Variants in STX8 observed in about 807,000 individuals in gnomAD.
The protein encoded by STX8 is syntaxin 8, also known as syntaxin-8.
Under a neutral mutation model 37.5 loss-of-function variants are expected in STX8, and 23 were observed. The observed-to-expected ratio is 0.61, with a 90% CI of 0.44 to 0.87. The LOEUF is 0.87. STX8 is among the 40% of genes least tolerant of loss of function. STX8 has a pLI of 0.00. For synonymous variants in STX8, 115 were observed against 99.1 expected (o/e 1.16, Z -0.95); for missense variants, 313 against 284.7 (o/e 1.10, Z -0.71).
intron 4 of STX8, among the ~76,000 whole-genome samples, chr17:9,519,073 G>A (rs1905245097): frequency 6.6e-6 from 1 of 151,938 alleles, no homozygotes; most frequent in African/African-American, 2.4e-5. Context: ...TAGTTAAAAA[G>A]AAACCCCACA....
At chr17:9,385,026 A>G (rs979491573) in intron 6 of STX8, among the ~76,000 whole-genome samples, 17 of 152,086 alleles carry the variant, frequency 1.1e-4, no homozygotes, top group Admixed American at 6.6e-5. Flanking sequence ...GAAAAAAAAA[A>G]AAGAGAGAAA....
intron 6 of STX8, among the ~76,000 whole-genome samples, chr17:9,412,715 C>T (rs1054058182): frequency 1.3e-5 from 2 of 152,154 alleles, no homozygotes; most frequent in East Asian, 3.9e-4. Context: ...GATGTGCCCT[C>T]GACATTATCT....
chr17:9,445,488 G>T (rs906149536), intron 6 of STX8, among the ~76,000 whole-genome samples: 5 of 131,584 alleles, frequency 3.8e-5, no homozygotes, highest in Non-Finnish European at 8.1e-5. Flanking sequence ...AGTGGTGGCC[G>T]GGGAGGGGGG....
intron 4 of STX8, among the ~76,000 whole-genome samples, chr17:9,508,490 G>C (rs1904917554): frequency 6.6e-6 from 1 of 152,100 alleles, no homozygotes; most frequent in Non-Finnish European, 1.5e-5. Flanking sequence ...ATCACATCCA[G>C]CTAATTTTTG....
intron 7 of STX8, among the ~76,000 whole-genome samples, chr17:9,330,612 C>T (rs1194368952): frequency 6.6e-6 from 1 of 152,218 alleles, no homozygotes; most frequent in Non-Finnish European, 1.5e-5. Context: ...CAGGAATGCC[C>T]GTGCACTGGC....
At chr17:9,399,400 C>T (rs942729681) in intron 6 of STX8, among the ~76,000 whole-genome samples, 10 of 152,124 alleles carry the variant, frequency 6.6e-5, no homozygotes, top group African/African-American at 2.4e-4. Flanking sequence ...AAGTGGTTTG[C>T]GCAAAGTGAC....
intron 7 of STX8, among the ~76,000 whole-genome samples, chr17:9,302,989 TAA>T (rs34429298): frequency 2.2e-4 from 29 of 129,376 alleles, no homozygotes; most frequent in African/African-American, 2.8e-4. Context: ...TAATATAGAT[TAA>T]AAAAAAAAAA....
At chr17:9,282,708 ATAAGCCTTCTTCCCTAC>A (rs1314321720) in intron 7 of STX8, among the ~76,000 whole-genome samples, 1 of 152,226 alleles carries the variant, frequency 6.6e-6, no homozygotes, top group Non-Finnish European at 1.5e-5. Flanking sequence ...CCAATGGAAC[ATAAGCCTTCTTCCCTAC>A]GAGACACTCC....
At chr17:9,531,720 T>C (rs1397995764) in intron 4 of STX8, among the ~76,000 whole-genome samples, 1 of 152,194 alleles carries the variant, frequency 6.6e-6, no homozygotes, top group Admixed American at 6.5e-5. Context: ...TACTCTTTAT[T>C]TATCTCTTCA....
At chr17:9,255,482 G>A (rs950871605) in intron 7 of STX8, among the ~76,000 whole-genome samples, 1 of 151,748 alleles carries the variant, frequency 6.6e-6, no homozygotes, top group Non-Finnish European at 1.5e-5. Context: ...AACTGAGATT[G>A]TGCCACTGCA....
At chr17:9,492,847 G>A (rs769064982) in intron 5 of STX8, among the ~76,000 whole-genome samples, 8 of 152,268 alleles carry the variant, frequency 5.3e-5, no homozygotes, top group Admixed American at 2.0e-4. Context: ...TGTAATCCCA[G>A]CACTTTGAGA....
intron 7 of STX8, among the ~76,000 whole-genome samples, chr17:9,354,522 A>C (rs1910813979): frequency 1.3e-5 from 2 of 151,826 alleles, no homozygotes; most frequent in African/African-American, 4.8e-5. Context: ...GGGTTTCACC[A>C]TGTTGGTCAG....
In STX8 at chr17:9,489,647, C is replaced by T. The variant is rs750709572; in HGVS notation, c.541+2182G>A. Among the ~76,000 whole-genome samples, 30 of 149,692 alleles carry T rather than the reference C, an allele frequency of 2.0e-4. 1 individual carries two copies. Among genetic ancestry groups the T allele is most frequent in the Non-Finnish European group, 3.1e-4 (21 of 67,458 alleles). On this transcript the variant is annotated intron_variant, in intron 6 of 7. Coordinates refer to ENST00000306357, the MANE Select transcript of STX8 (RefSeq NM_004853.3). Reference sequence around the variant, plus strand: ...GGCTAAATGTCCTTGGGATGAGGAACAATTGTACACCAGATAGGCAGATTT... The same window carrying T: ...GGCTAAATGTCCTTGGGATGAGGAATAATTGTACACCAGATAGGCAGATTT...
intron 4 of STX8, among the ~76,000 whole-genome samples, chr17:9,526,364 C>A (rs952984154): frequency 1.3e-5 from 2 of 152,040 alleles, no homozygotes; most frequent in South Asian, 4.2e-4. Context: ...CACATGGGAG[C>A]GTTGAGGCCT....
intron 6 of STX8, among the ~76,000 whole-genome samples, chr17:9,399,155 T>A (rs1016919189): frequency 6.6e-6 from 1 of 152,022 alleles, no homozygotes; most frequent in Non-Finnish European, 1.5e-5. Flanking sequence ...GATTCAGGCA[T>A]GTCGCCAACT....
intron 7 of STX8, among the ~76,000 whole-genome samples, chr17:9,272,778 T>C (rs768225436): frequency 6.6e-6 from 1 of 152,212 alleles, no homozygotes; most frequent in Non-Finnish European, 1.5e-5. Context: ...GATAGCATGA[T>C]TGCAATATAA....
At chr17:9,541,374 CAG>C (rs964367304) in intron 4 of STX8, among the ~76,000 whole-genome samples, 5 of 152,142 alleles carry the variant, frequency 3.3e-5, no homozygotes, top group Non-Finnish European at 5.9e-5. Context: ...CTAGAGCAAT[CAG>C]GGGGCAGGGC....
At chr17:9,380,091 T>A (rs56400230) in intron 6 of STX8, among the ~76,000 whole-genome samples, 27,686 of 152,098 alleles carry the variant, frequency 0.18, 2,731 homozygotes, top group Non-Finnish European at 0.22. Context: ...CGATCTTAAC[T>A]ATGTAAAATT....
intron 7 of STX8, among the ~76,000 whole-genome samples, chr17:9,286,609 A>G (rs1332281458): frequency 6.6e-6 from 1 of 151,938 alleles, no homozygotes; most frequent in African/African-American, 2.4e-5. Flanking sequence ...AGACAACTCT[A>G]AGCTGGCTAC....
Sources: gnomAD v4.1 joint callset for allele counts (sites outside exome capture counted in the v4.1 genomes callset) on GRCh38, gnomAD v4.1.1 for gene constraint, MANE v1.5 for transcripts, NCBI Gene and HGNC (gene_info 2026-07-23, HGNC 2026-07-21) for gene names.